TXNDC11: variants seen among roughly 807,000 people sequenced by gnomAD.
TXNDC11 encodes thioredoxin domain-containing protein 11.
Under a neutral mutation model 78.0 loss-of-function variants are expected in TXNDC11, and 68 were observed. The observed-to-expected ratio is 0.87, with a 90% confidence interval of 0.72 to 1.07. TXNDC11 has a LOEUF of 1.07. Among genes scored for constraint, TXNDC11 ranks in the 50% least tolerant of loss-of-function variants. The probability of loss-of-function intolerance (pLI) is 0.00; values close to 1 mark genes in which losing one functional copy is unlikely to be tolerated. For missense variants in TXNDC11, 1,389 were observed against 1,221.8 expected, an observed-to-expected ratio of 1.14 and a Z score of -2.04; for synonymous variants, 571 against 495.2, an observed-to-expected ratio of 1.15 and a Z score of -2.03.
rs986333830 is a variant in TXNDC11, at chr16:11,684,265, G to A, written c.2154-20C>T. 5.7e-6 allele frequency: 9 copies of A among 1,583,282 alleles called. No homozygotes were observed. The highest frequency in any genetic ancestry group is 6.1e-6 in the Non-Finnish European group (7 of 1,153,048). Reference sequence around the variant, plus strand: ...TCAATCCTGGTAAAGGGAAAGAACAGAAATGGCAGATGATCAGCCCAAGAA... The same window carrying A: ...TCAATCCTGGTAAAGGGAAAGAACAAAAATGGCAGATGATCAGCCCAAGAA... On this transcript the variant is annotated intron_variant, in intron 10 of 11. Coordinates refer to ENST00000283033, the MANE Select transcript of TXNDC11 (RefSeq NM_015914.7).
intron 5 of TXNDC11, among the ~76,000 whole-genome samples, chr16:11,719,672 C>A (rs1281775411): frequency 6.6e-6 from 1 of 152,048 alleles, no homozygotes; most frequent in Non-Finnish European, 1.5e-5. Context: ...TGACTGAGAC[C>A]CTGCTTTGTG....
At chr16:11,728,730 G>A (rs1445327577) in intron 4 of TXNDC11, among the ~76,000 whole-genome samples, 1 of 152,302 alleles carries the variant, frequency 6.6e-6, no homozygotes, top group African/African-American at 2.4e-5. Context: ...ACGATCGCTT[G>A]AGCCGAGTTC....
chr16:11,682,507 C>T (rs375184506), intron 11 of TXNDC11, among the ~76,000 whole-genome samples: 5 of 152,208 alleles, frequency 3.3e-5, no homozygotes. Context: ...CCAGATGACG[C>T]CCCACCCTGC....
At chr16:11,729,975 T>C (rs1423357736) in intron 4 of TXNDC11, among the ~76,000 whole-genome samples, 7 of 152,108 alleles carry the variant, frequency 4.6e-5, no homozygotes. Context: ...CTGCCTGTTA[T>C]TGCAACTACT....
chr16:11,686,900 T>C (rs914322003), intron 10 of TXNDC11, among the ~76,000 whole-genome samples: 1 of 152,214 alleles, frequency 6.6e-6, no homozygotes, highest in Non-Finnish European at 1.5e-5. Context: ...TATGTCTCAG[T>C]TTCCTCCTCA....
intron 5 of TXNDC11, among the ~76,000 whole-genome samples, chr16:11,710,159 T>C (rs1386774745): frequency 6.6e-6 from 1 of 151,326 alleles, no homozygotes; most frequent in African/African-American, 2.4e-5. Flanking sequence ...AAAAATAAAA[T>C]GATCAATTGA....
In TXNDC11 at chr16:11,713,292, A is replaced by G. The variant is rs992879004; in HGVS notation, c.793+8285T>C. 2.6e-5 allele frequency among the ~76,000 whole-genome samples: 4 copies of G among 151,940 alleles called. No individual in the cohort carries two copies. In the East Asian group the frequency reaches 7.7e-4, roughly 29 times the overall value. ...TGAGACTCTGTCTCAAAAAAAAAAA[A>G]AAAGAAAAGAAATCATAATGGAAAT... On this transcript the variant is annotated intron_variant, in intron 5 of 11. Transcript: ENST00000283033.
intron 10 of TXNDC11, among the ~76,000 whole-genome samples, chr16:11,687,623 C>G (rs1043305251): frequency 6.6e-6 from 1 of 152,292 alleles, no homozygotes; most frequent in South Asian, 2.1e-4. Flanking sequence ...CAGCCACCTA[C>G]GAATCTAGTC....
At chr16:11,737,117 C>T (rs1430396014) in intron 1 of TXNDC11, among the ~76,000 whole-genome samples, 1 of 152,082 alleles carries the variant, frequency 6.6e-6, no homozygotes, top group African/African-American at 2.4e-5. Flanking sequence ...AGAACATAAA[C>T]ATGGAAACCT....
intron 5 of TXNDC11, among the ~76,000 whole-genome samples, chr16:11,720,404 T>A (rs377744282): frequency 6.7e-6 from 1 of 148,548 alleles, no homozygotes; most frequent in Non-Finnish European, 1.5e-5. Flanking sequence ...AAAAAAAGAT[T>A]ATGATGTAAT....
In TXNDC11 at chr16:11,679,743, G is replaced by A; in HGVS notation, c.2329C>T (p.Pro777Ser). 3.1e-6 allele frequency: 5 copies of A among 1,614,200 alleles called. No homozygotes were observed. Among genetic ancestry groups the A allele is most frequent in the South Asian group, 1.1e-5 (1 of 91,088 alleles). ...ILHHSDPASS[P>S]QNVANSPTKE... ...GTAGGAGAGTTAGCCACATTCTGGG[G>A]GCTGGAAGCAGGGTCTGAGTGATGC... The change falls in exon 12 of 12, where the codon CCC becomes TCC. Residue 777 changes from proline (P) to serine (S), a missense_variant. Pro to Ser is a moderately conservative substitution (Grantham distance 74). Transcript: ENST00000283033. This position sits in a 1 kb window ranked among gnomAD's most constrained non-coding sequence, Gnocchi z 4.6.
chr16:11,691,793 A>T lies in TXNDC11; in HGVS notation c.1397T>A (p.Phe466Tyr), dbSNP rs1362565778. 6.2e-7 allele frequency: 1 copy of T among 1,614,132 alleles called. No individual in the cohort carries two copies. Among genetic ancestry groups the T allele is most frequent in the South Asian group, 1.1e-5 (1 of 91,094 alleles). The change falls in exon 8 of 12, where the codon TTT (phenylalanine) becomes TAT (tyrosine). Residue 466 changes from phenylalanine (F) to tyrosine (Y), a missense_variant. By Grantham distance (22) the Phe-to-Tyr change is conservative (BLOSUM62 3). Coordinates refer to ENST00000283033, the MANE Select transcript of TXNDC11 (RefSeq NM_015914.7). ...AGAATCCAGAGCTGCTGCCATTTCAAAAAAGCTGCACTGTGGCACGCTGAC... is the reference window on the plus strand; with the variant it reads ...AGAATCCAGAGCTGCTGCCATTTCATAAAAGCTGCACTGTGGCACGCTGAC... ...SSVSVPQCSF[F>Y]EMAAALDSFY...
At position 11,694,263 on chromosome 16, in the gene TXNDC11, C is replaced by T. The variant is rs570897263; in HGVS notation, c.1108-2181G>A. Among the ~76,000 whole-genome samples, 7 of 152,036 alleles carry T rather than the reference C, an allele frequency of 4.6e-5. No homozygotes were observed. The South Asian group carries it at 1.0e-3, about 23-fold the overall frequency. ...TAGCTGGGATTACAGGCATGCATCA[C>T]GACACCCAGCCAATTTTTTCTATTT... is the stretch of plus-strand genomic sequence containing the variant. On this transcript the variant is annotated intron_variant, in intron 7 of 11. Coordinates refer to ENST00000283033, the MANE Select transcript of TXNDC11 (RefSeq NM_015914.7).
At chr16:11,706,901 A>G (rs572443062) in intron 5 of TXNDC11, among the ~76,000 whole-genome samples, 2 of 152,252 alleles carry the variant, frequency 1.3e-5, no homozygotes, top group Admixed American at 6.5e-5. Context: ...ACTTACATGC[A>G]TATTTTTTTT....
intron 5 of TXNDC11, among the ~76,000 whole-genome samples, chr16:11,704,168 A>G (rs907399371): frequency 6.6e-6 from 1 of 152,218 alleles, no homozygotes; most frequent in Non-Finnish European, 1.5e-5. Flanking sequence ...GCCAAGCTGA[A>G]GCCCTCCTAG....
Position 11,687,945 on chromosome 16 carries a change from C to T in TXNDC11, c.2065G>A (p.Ala689Thr), listed in dbSNP as rs767698991. The change falls in exon 10 of 12, where the codon GCT (alanine) becomes ACT (threonine). Residue 689 changes from alanine (A) to threonine (T), a missense_variant. Physicochemically the swap from Ala to Thr is moderately conservative, Grantham distance 58. Coordinates refer to ENST00000283033, the MANE Select transcript of TXNDC11 (RefSeq NM_015914.7). The part of the protein sequence containing the change: ...QKQDVLLLYY[A>T]PWCGFCPSLN... The stretch of plus-strand genomic sequence containing the variant: ...GATGGACAGAAGCCGCACCACGGAG[C>T]GTAATAGAGCAGGAGAACGTCCTGT... The T allele has an allele frequency of 2.0e-5, 32 of 1,613,350 alleles. No individual in the cohort carries two copies. Among genetic ancestry groups the T allele is most frequent in the Middle Eastern group, 3.3e-4 (2 of 6,076 alleles).
Position 11,679,566 on chromosome 16 carries a change from G to A in TXNDC11, c.2506C>T (p.His836Tyr). ...GCCCGCTGCTGCTGCCGCAGCCGGT[G>A]CTCATCTCTGCGGGCACTGGAGAGC... Reference protein sequence around the residue: ...SQLSSARRDEHRLRQQQRALE... With the variant: ...SQLSSARRDEYRLRQQQRALE... The change falls in exon 12 of 12, where the codon CAC becomes TAC. Residue 836 changes from histidine (H) to tyrosine (Y), a missense_variant. Coordinates refer to ENST00000283033, the MANE Select transcript of TXNDC11 (RefSeq NM_015914.7). This position sits in a 1 kb window ranked among gnomAD's most constrained non-coding sequence, Gnocchi z 4.6. The A allele has an allele frequency of 6.2e-7, 1 of 1,613,924 alleles. No individual in the cohort carries two copies. The highest frequency in any genetic ancestry group is 8.5e-7 in the Non-Finnish European group (1 of 1,180,038).
At chr16:11,698,898 A>C (rs1436610620) in intron 6 of TXNDC11, among the ~76,000 whole-genome samples, 1 of 152,242 alleles carries the variant, frequency 6.6e-6, no homozygotes, top group East Asian at 1.9e-4. Flanking sequence ...CTAAACTTGC[A>C]CAAGGCCACG....
chr16:11,716,752 G>T (rs2051537674), intron 5 of TXNDC11, among the ~76,000 whole-genome samples: 1 of 152,110 alleles, frequency 6.6e-6, no homozygotes, highest in Non-Finnish European at 1.5e-5. Context: ...CAAAGGCACG[G>T]ATGGACATAA....
Sources: allele counts gnomAD v4.1 joint callset (sites outside exome capture counted in the v4.1 genomes callset), GRCh38; gene constraint gnomAD v4.1.1; non-coding constraint Gnocchi (gnomAD v3.1); transcripts MANE v1.5; gene names NCBI Gene and HGNC (gene_info 2026-07-23, HGNC 2026-07-21).